FSIP1: variants seen among roughly 807,000 people sequenced by gnomAD.
The protein encoded by FSIP1 is fibrous sheath interacting protein 1, also known as fibrous sheath-interacting protein 1.
Under a neutral mutation model 60.9 loss-of-function variants are expected in FSIP1, and 65 were observed. That is an observed-to-expected ratio of 1.07 (90% CI 0.87 to 1.31). FSIP1 has a LOEUF of 1.31. Ranked by LOEUF, FSIP1 falls within the 40% of genes most tolerant of loss-of-function variation. The probability of loss-of-function intolerance (pLI) is 0.00; values close to 1 mark genes in which losing one functional copy is unlikely to be tolerated. For missense variants in FSIP1, 675 were observed against 665.5 expected (o/e 1.01, Z -0.16); for synonymous variants, 209 against 221.2 (o/e 0.94, Z 0.49).
intron 10 of FSIP1, among the ~76,000 whole-genome samples, chr15:39,660,344 T>C (rs1215567861): frequency 6.6e-6 from 1 of 152,170 alleles, no homozygotes; most frequent in Non-Finnish European, 1.5e-5. Flanking sequence ...ATATATTCTC[T>C]AGCCCACACG....
chr15:39,760,426 G>C (rs1160545242), intron 5 of FSIP1, among the ~76,000 whole-genome samples: 1 of 152,094 alleles, frequency 6.6e-6, no homozygotes, highest in Non-Finnish European at 1.5e-5. Flanking sequence ...TCTTAACAAA[G>C]TGATCAAGGT....
chr15:39,697,006 A>C (rs1894848330), intron 10 of FSIP1, among the ~76,000 whole-genome samples: 1 of 151,942 alleles, frequency 6.6e-6, no homozygotes, highest in South Asian at 2.1e-4. Flanking sequence ...AGTGTTAACT[A>C]TGCTTGTATG....
intron 11 of FSIP1, among the ~76,000 whole-genome samples, chr15:39,610,569 G>C (rs1268683423): frequency 1.3e-5 from 2 of 152,206 alleles, no homozygotes; most frequent in Non-Finnish European, 2.9e-5. Flanking sequence ...AGGAGGCTGA[G>C]GCAGGAGAAT....
At chr15:39,667,669 G>T (rs946713313) in intron 10 of FSIP1, among the ~76,000 whole-genome samples, 1 of 152,156 alleles carries the variant, frequency 6.6e-6, no homozygotes, top group African/African-American at 2.4e-5. Flanking sequence ...GTCTTAGCGG[G>T]AGAGTGAGAG....
At chr15:39,644,020 A>G (rs748425329) in intron 10 of FSIP1, among the ~76,000 whole-genome samples, 1 of 152,264 alleles carries the variant, frequency 6.6e-6, no homozygotes, top group Non-Finnish European at 1.5e-5. Flanking sequence ...GAGGTTTATG[A>G]GTAACAAACC....
chr15:39,749,970 A>G (rs1448769880), intron 5 of FSIP1, among the ~76,000 whole-genome samples: 2 of 152,062 alleles, frequency 1.3e-5, no homozygotes, highest in Admixed American at 6.6e-5. Flanking sequence ...GAAAAGTTGT[A>G]GAGTACAAAA....
At chr15:39,606,811 C>T (rs924994450) in intron 11 of FSIP1, among the ~76,000 whole-genome samples, 1 of 152,122 alleles carries the variant, frequency 6.6e-6, no homozygotes, top group African/African-American at 2.4e-5. Flanking sequence ...TTATGAATTT[C>T]TGTTAATAAT....
At chr15:39,656,992 A>G (rs1435408529) in intron 10 of FSIP1, among the ~76,000 whole-genome samples, 12 of 152,210 alleles carry the variant, frequency 7.9e-5, no homozygotes, top group Admixed American at 7.9e-4. Context: ...ACCAATTAAA[A>G]GCTACAAACT....
intron 8 of FSIP1, among the ~76,000 whole-genome samples, chr15:39,728,078 A>G (rs569159149): frequency 6.6e-6 from 1 of 152,332 alleles, no homozygotes; most frequent in South Asian, 2.1e-4. Context: ...ACAGCTAACC[A>G]GGGAGGTGAA....
intron 5 of FSIP1, among the ~76,000 whole-genome samples, chr15:39,752,821 C>T (rs777265890): frequency 2.8e-4 from 43 of 151,742 alleles, no homozygotes; most frequent in Non-Finnish European, 5.4e-4. Context: ...ACAAATGAAC[C>T]ATACAAATGC....
intron 10 of FSIP1, among the ~76,000 whole-genome samples, chr15:39,679,492 T>G (rs1379472787): frequency 6.6e-6 from 1 of 152,090 alleles, no homozygotes; most frequent in Non-Finnish European, 1.5e-5. Flanking sequence ...ATCCCAGCAT[T>G]TTGGGAGGCT....
intron 10 of FSIP1, among the ~76,000 whole-genome samples, chr15:39,684,290 T>A (rs1894278619): frequency 6.6e-6 from 1 of 152,046 alleles, no homozygotes; most frequent in Admixed American, 6.6e-5. Context: ...AAAATAAAAT[T>A]TAAAATAAAC....
intron 9 of FSIP1, among the ~76,000 whole-genome samples, chr15:39,715,355 G>A (rs1460553200): frequency 2.0e-5 from 3 of 151,814 alleles, no homozygotes; most frequent in Non-Finnish European, 2.9e-5. Context: ...TCTCAGCCAC[G>A]CCACATGCTC....
In FSIP1 at chr15:39,719,777, C is replaced by T. The variant is rs1162692600; in HGVS notation, c.1051-6196G>A. Among the ~76,000 whole-genome samples the T allele has an allele frequency of 4.1e-4, 63 of 152,072 alleles. 1 individual carries two copies. The highest frequency in any genetic ancestry group is 4.1e-3 in the Admixed American group (62 of 15,266). ...TTGTTTTTATCACCTTGGAATAATG[C>T]CATAAAATGAAGGAAACCTTGACTA... On this transcript the variant is annotated intron_variant, in intron 9 of 11. Transcript: ENST00000350221.
At chr15:39,754,443 T>C (rs1195491086) in intron 5 of FSIP1, among the ~76,000 whole-genome samples, 1 of 151,958 alleles carries the variant, frequency 6.6e-6, no homozygotes, top group African/African-American at 2.4e-5. Flanking sequence ...ACCAGTACAA[T>C]GATCTTGCAG....
chr15:39,735,677 T>A (rs1021141691), intron 8 of FSIP1, among the ~76,000 whole-genome samples: 1 of 152,152 alleles, frequency 6.6e-6, no homozygotes, highest in African/African-American at 2.4e-5. Flanking sequence ...TTACTGTAAC[T>A]TTTTTACTTT....
In FSIP1 at chr15:39,633,091, C is replaced by CTTTTTTT. The variant is rs869063502; in HGVS notation, c.1189-14853_1189-14847dup. ...AATCTTCCCCACATAGGCTATACTTCTTTTTTTTTTTTTTTTTTTTGAGAT... is the reference window on the plus strand; with the variant it reads ...AATCTTCCCCACATAGGCTATACTTCTTTTTTTTTTTTTTTTTTTTTTTTTTTGAGAT... On this transcript the variant is annotated intron_variant, in intron 10 of 11. Transcript: ENST00000350221. Among the ~76,000 whole-genome samples, 974 of 112,834 alleles carry CTTTTTTT rather than the reference C, an allele frequency of 8.6e-3. 57 individuals carry two copies. Among genetic ancestry groups the CTTTTTTT allele is most frequent in the African/African-American group, 0.028 (748 of 27,066 alleles). 74.0% of individuals were successfully genotyped at this position (112,834 alleles called of 152,430 possible).
intron 10 of FSIP1, among the ~76,000 whole-genome samples, chr15:39,633,091 C>CTTTTTTTTTTTTTTTTTTTTTTTT (rs869063502): frequency 8.0e-5 from 9 of 112,888 alleles, no homozygotes; most frequent in African/African-American, 3.3e-4. Flanking sequence ...GGCTATACTT[C>CTTTTTTTTTTTTTTTTTTTTTTTT]TTTTTTTTTT....
chr15:39,739,096 T>G (rs1896715763), intron 7 of FSIP1, among the ~76,000 whole-genome samples: 1 of 152,206 alleles, frequency 6.6e-6, no homozygotes, highest in Admixed American at 6.5e-5. Flanking sequence ...CTTGTTTAGT[T>G]TGAATCTGCC....
Sources: gnomAD v4.1 joint callset for allele counts (sites outside exome capture counted in the v4.1 genomes callset) on GRCh38, gnomAD v4.1.1 for gene constraint, MANE v1.5 for transcripts, NCBI Gene and HGNC (gene_info 2026-07-23, HGNC 2026-07-21) for gene names.